Variants in PARD3 observed in about 807,000 individuals in gnomAD.
PARD3 encodes partitioning defective 3 homolog.
Under a neutral mutation model 155.4 loss-of-function variants are expected in PARD3, and 75 were observed. The observed-to-expected ratio is 0.48, with a 90% CI of 0.40 to 0.58. The LOEUF is 0.58. Among genes scored for constraint, PARD3 ranks in the 20% least tolerant of loss-of-function variants. PARD3 has a pLI of 0.00. For missense variants in PARD3, 1,642 were observed against 1,721.7 expected (o/e 0.95, Z 0.82); for synonymous variants, 576 against 610.5 (o/e 0.94, Z 0.83).
Position 34,340,393 on chromosome 10 carries a change from C to T in PARD3, c.2408+1234G>A, listed in dbSNP as rs142156459. ...ATGAGACACAGCAGTCAATGTAACA[C>T]CATCTGCAGATTTCAAATGGGTTTT... On this transcript the variant is annotated intron_variant, in intron 16 of 24. Transcript: ENST00000374788. Among the ~76,000 whole-genome samples, 253 of 152,264 alleles carry T rather than the reference C, an allele frequency of 1.7e-3. 1 individual carries two copies. Among genetic ancestry groups the T allele is most frequent in the African/African-American group, 5.5e-3 (229 of 41,542 alleles).
intron 3 of PARD3, among the ~76,000 whole-genome samples, chr10:34,511,291 T>C (rs977425307): frequency 1.3e-5 from 2 of 152,202 alleles, no homozygotes; most frequent in African/African-American, 4.8e-5. Flanking sequence ...GTTGTGTTTT[T>C]TTCATCAGGA....
intron 20 of PARD3, among the ~76,000 whole-genome samples, chr10:34,285,344 G>A (rs1200573290): frequency 1.3e-5 from 2 of 152,146 alleles, no homozygotes; most frequent in South Asian, 2.1e-4. Flanking sequence ...GGGAGGCTGA[G>A]GCAGAAGGAC....
At chr10:34,139,787 A>T (rs1458327744) in intron 22 of PARD3, among the ~76,000 whole-genome samples, 1 of 152,218 alleles carries the variant, frequency 6.6e-6, no homozygotes, top group African/African-American at 2.4e-5. Context: ...GACAAAGTGG[A>T]TACAAACAAG....
In PARD3 at chr10:34,470,128, A is replaced by C. The variant is rs752110634; in HGVS notation, c.539T>G (p.Leu180Arg). 2.5e-6 allele frequency: 4 copies of C among 1,612,898 alleles called. No homozygotes were observed. The East Asian group carries it at 8.9e-5, about 36-fold the overall frequency. ...AGGACTCCCAGCAGTGTTCTGCTTG[A>C]GGAAGCCAGCTGTTGTTGACCAGCG... Reference protein sequence around the residue: ...PTRWSTTAGFLKQNTAGSPKT... With the variant: ...PTRWSTTAGFRKQNTAGSPKT... The change falls in exon 4 of 25, where the codon CTC becomes CGC. Residue 180 changes from leucine (L) to arginine (R), a missense_variant. Coordinates refer to ENST00000374788, the MANE Select transcript of PARD3 (RefSeq NM_001184785.2).
intron 2 of PARD3, among the ~76,000 whole-genome samples, chr10:34,681,770 T>TATATATA (rs1564500809): frequency 2.1e-4 from 3 of 14,544 alleles, no homozygotes; most frequent in African/African-American, 2.9e-4. Flanking sequence ...ATATATATAT[T>TATATATA]TTTTTTTTTT....
chr10:34,492,413 C>A (rs113664445), intron 3 of PARD3, among the ~76,000 whole-genome samples: 57 of 152,028 alleles, frequency 3.7e-4, no homozygotes, highest in Non-Finnish European at 6.8e-4. Flanking sequence ...TCATCTATAA[C>A]AAAAAGGGCT....
intron 2 of PARD3, among the ~76,000 whole-genome samples, chr10:34,634,673 A>G (rs920121816): frequency 2.0e-5 from 3 of 152,250 alleles, no homozygotes; most frequent in Non-Finnish European, 4.4e-5. Context: ...AACTGAAAAC[A>G]AAAGTACCTT....
At chr10:34,352,617 G>A (rs1015817856) in intron 14 of PARD3, among the ~76,000 whole-genome samples, 1 of 152,262 alleles carries the variant, frequency 6.6e-6, no homozygotes, top group African/African-American at 2.4e-5. Context: ...GAGGTGCCGG[G>A]ATTGCAGACG....
At chr10:34,287,036 A>G (rs1956430182) in intron 20 of PARD3, among the ~76,000 whole-genome samples, 1 of 152,132 alleles carries the variant, frequency 6.6e-6, no homozygotes, top group Non-Finnish European at 1.5e-5. Flanking sequence ...GGGCCAGGGA[A>G]GGAAAAGGTT....
intron 1 of PARD3, among the ~76,000 whole-genome samples, chr10:34,701,087 G>C (rs1475162285): frequency 6.6e-6 from 1 of 152,064 alleles, no homozygotes; most frequent in Non-Finnish European, 1.5e-5. Flanking sequence ...AGGAAGGAAA[G>C]ATCACTCTCA....
At chr10:34,492,107 A>C (rs1426273423) in intron 3 of PARD3, among the ~76,000 whole-genome samples, 1 of 152,232 alleles carries the variant, frequency 6.6e-6, no homozygotes, top group Non-Finnish European at 1.5e-5. Context: ...CTCTGAATTA[A>C]GTAGGGATGG....
intron 22 of PARD3, among the ~76,000 whole-genome samples, chr10:34,260,534 G>C (rs929197437): frequency 2.0e-5 from 3 of 152,184 alleles, no homozygotes; most frequent in Non-Finnish European, 4.4e-5. Flanking sequence ...TTGTGCTGAA[G>C]GGACCAACAA....
intron 2 of PARD3, among the ~76,000 whole-genome samples, chr10:34,683,523 C>T (rs1017561033): frequency 3.3e-5 from 5 of 149,468 alleles, no homozygotes; most frequent in African/African-American, 1.2e-4. Context: ...AGTGTGGCTC[C>T]ACAGCCCACC....
chr10:34,710,251 A>G (rs151111066), intron 1 of PARD3, among the ~76,000 whole-genome samples: 1,638 of 152,362 alleles, frequency 0.011, 20 homozygotes, highest in Non-Finnish European at 0.016. Flanking sequence ...CGACTGTTAC[A>G]TAAGACTTTG....
At chr10:34,793,646 C>T (rs777313812) in intron 1 of PARD3, among the ~76,000 whole-genome samples, 4 of 152,170 alleles carry the variant, frequency 2.6e-5, no homozygotes, top group Admixed American at 6.5e-5. Context: ...ATTAGCTGGG[C>T]GTGGTGGCAC....
chr10:34,797,157 C>T (rs1033663706), intron 1 of PARD3, among the ~76,000 whole-genome samples: 2 of 152,128 alleles, frequency 1.3e-5, no homozygotes, highest in Non-Finnish European at 2.9e-5. Context: ...TTCCAAGGAG[C>T]TAAGTAAGTG....
At chr10:34,632,215 C>T (rs1468183817) in intron 2 of PARD3, among the ~76,000 whole-genome samples, 4 of 152,186 alleles carry the variant, frequency 2.6e-5, no homozygotes, top group East Asian at 1.9e-4. Context: ...GCCGAGATTG[C>T]GCCACTACAC....
chr10:34,293,526 A>T (rs1956771242), intron 20 of PARD3, among the ~76,000 whole-genome samples: 1 of 152,082 alleles, frequency 6.6e-6, no homozygotes, highest in South Asian at 2.1e-4. Context: ...CAGAATTCTG[A>T]TTTTTCTAAA....
intron 2 of PARD3, among the ~76,000 whole-genome samples, chr10:34,665,845 C>A (rs11009853): frequency 0.011 from 605 of 53,804 alleles, 17 homozygotes; most frequent in African/African-American, 0.041. Context: ...AATTAAAGAA[C>A]AGAACAGAAC....
Sources: gnomAD v4.1 joint callset for allele counts (sites outside exome capture counted in the v4.1 genomes callset) on GRCh38, gnomAD v4.1.1 for gene constraint, MANE v1.5 for transcripts, NCBI Gene and HGNC (gene_info 2026-07-23, HGNC 2026-07-21) for gene names.